LRBA: variants seen among roughly 807,000 people sequenced by gnomAD.
The protein encoded by LRBA is lipopolysaccharide-responsive and beige-like anchor protein.
In LRBA, 176 loss-of-function variants were observed where a neutral mutation model predicts 330.0. That is an observed-to-expected ratio of 0.53 (90% confidence interval 0.47 to 0.60). The LOEUF (loss-of-function observed/expected upper bound fraction) is 0.60, where lower values mean the gene tolerates loss of function less well. Among genes scored for constraint, LRBA ranks in the 20% least tolerant of loss-of-function variants. LRBA has a pLI of 0.00. For missense variants in LRBA, 3,259 were observed against 3,444.8 expected (o/e 0.95, Z 1.35); for synonymous variants, 1,230 against 1,193.0 (o/e 1.03, Z -0.64).
chr4:150,396,415 T>C (rs1744737295), intron 47 of LRBA, among the ~76,000 whole-genome samples: 1 of 151,820 alleles, frequency 6.6e-6, no homozygotes, highest in Non-Finnish European at 1.5e-5. Context: ...AGCTTGAATA[T>C]GGCATACTGT....
chr4:150,562,335 C>T (rs1056540298), intron 40 of LRBA, among the ~76,000 whole-genome samples: 2 of 152,190 alleles, frequency 1.3e-5, no homozygotes, highest in Admixed American at 6.6e-5. Flanking sequence ...GAAGGATATA[C>T]ATACATACAT....
rs869205771 is a variant in LRBA, at chr4:150,516,217, C to CTTTTTTTTT, written c.6331-25191_6331-25183dup. On this transcript the variant is annotated intron_variant, in intron 40 of 56. Coordinates refer to ENST00000651943, the MANE Select transcript of LRBA (RefSeq NM_001364905.1). ...AATTCAGTCTGACATTTTCTATTCTCTTTTTTTTTTTTTTTTTTTTTTTTT... is the reference window on the plus strand; with the variant it reads ...AATTCAGTCTGACATTTTCTATTCTCTTTTTTTTTTTTTTTTTTTTTTTTTTTTTTTTTT... Among the ~76,000 whole-genome samples, 50 of 29,440 alleles carry CTTTTTTTTT rather than the reference C, an allele frequency of 1.7e-3. 1 individual carries two copies. Among genetic ancestry groups the CTTTTTTTTT allele is most frequent in the East Asian group, 4.3e-3 (5 of 1,154 alleles). The allele number at this position is 29,440 out of a possible 152,430, so 19.3% of individuals were successfully genotyped here. A position where few individuals can be genotyped will look rare whatever the true frequency, so the allele number is the denominator to read the frequency against.
At chr4:150,582,830 T>G in intron 40 of LRBA, 1 of 514,024 alleles carries the variant, frequency 1.9e-6, no homozygotes, top group Non-Finnish European at 3.3e-6. Flanking sequence ...AGAAAAGAGG[T>G]TTCGAAAGAG....
intron 46 of LRBA, among the ~76,000 whole-genome samples, chr4:150,432,691 C>T (rs1007377107): frequency 1.3e-5 from 2 of 151,350 alleles, no homozygotes; most frequent in Non-Finnish European, 2.9e-5. Flanking sequence ...GTGATCCGCC[C>T]GCCTCGGCTT....
intron 37 of LRBA, among the ~76,000 whole-genome samples, chr4:150,608,340 T>C (rs1054609488): frequency 2.6e-5 from 4 of 152,038 alleles, no homozygotes; most frequent in Non-Finnish European, 1.5e-5. Flanking sequence ...GAAGAGTCTA[T>C]TGAAAGGGCA....
chr4:150,990,217 T>A (rs1421428258), intron 2 of LRBA, among the ~76,000 whole-genome samples: 1 of 152,208 alleles, frequency 6.6e-6, no homozygotes, highest in Non-Finnish European at 1.5e-5. Flanking sequence ...CATATATATG[T>A]AAATTCACAT....
chr4:150,306,094 C>T (rs541977526), intron 52 of LRBA, among the ~76,000 whole-genome samples: 1 of 152,112 alleles, frequency 6.6e-6, no homozygotes, highest in Non-Finnish European at 1.5e-5. Flanking sequence ...TAAAAAAATT[C>T]AAGCTCAGGA....
chr4:150,929,181 G>T, intron 2 of LRBA, 116 bp from the exon 3 acceptor site: 1 of 621,544 alleles, frequency 1.6e-6, no homozygotes, highest in Non-Finnish European at 2.6e-6. Context: ...CACATCAAAA[G>T]GTTCATTAAA....
rs1452376885 is a variant in LRBA, at chr4:150,420,321, GCACATTATAGTATAAAGTATATATAATA to G, written c.7042-4759_7042-4732del. ...CATTATAGTATAAAGTATATATAATGCACATTATAGTATAAAGTATATATAATACACATTATAGTATAAAGTATATATA... is the reference window on the plus strand; with the variant it reads ...CATTATAGTATAAAGTATATATAATGCACATTATAGTATAAAGTATATATA... On this transcript the variant is annotated intron_variant, in intron 46 of 56. Transcript: ENST00000651943. Among the ~76,000 whole-genome samples, 140 of 122,700 alleles carry G rather than the reference GCACATTATAGTATAAAGTATATATAATA, an allele frequency of 1.1e-3. 1 individual carries two copies. The highest frequency in any genetic ancestry group is 4.0e-3 in the African/African-American group (109 of 27,076). 80.5% of individuals were successfully genotyped at this position (122,700 alleles called of 152,430 possible).
chr4:150,399,983 A>ATCAT (rs1414034170), intron 47 of LRBA, among the ~76,000 whole-genome samples: 1 of 151,582 alleles, frequency 6.6e-6, no homozygotes, highest in African/African-American at 2.4e-5. Context: ...CAATCAAACA[A>ATCAT]TCAATCAATC....
intron 17 of LRBA, among the ~76,000 whole-genome samples, chr4:150,877,726 C>T (rs1285156164): frequency 1.3e-5 from 2 of 152,188 alleles, no homozygotes; most frequent in African/African-American, 2.4e-5. Context: ...CCACAGGATA[C>T]ACATTCTTCT....
chr4:150,828,686 A>G, intron 29 of LRBA, 65 bp from the exon 30 acceptor site: 1 of 1,397,006 alleles, frequency 7.2e-7, no homozygotes, highest in Non-Finnish European at 9.8e-7. Flanking sequence ...TTTAAAAGGT[A>G]TATTCTGTTT....
intron 28 of LRBA, among the ~76,000 whole-genome samples, chr4:150,836,478 A>C (rs1313780936): frequency 6.6e-6 from 1 of 152,070 alleles, no homozygotes; most frequent in Non-Finnish European, 1.5e-5. Flanking sequence ...TCAATTTCAG[A>C]GCCTGCTATT....
chr4:150,900,091 C>A lies in LRBA; in HGVS notation c.1882G>T (p.Val628Leu). 1 of 1,613,540 alleles carries A rather than the reference C, an allele frequency of 6.2e-7. No homozygotes were observed. Among genetic ancestry groups the A allele is most frequent in the Non-Finnish European group, 8.5e-7 (1 of 1,179,604 alleles). ...MHTLKYYYWA[V>L]NPQDRSGITP... is the part of the protein sequence containing the mutation. ...ATACCACTTCGATCCTGAGGATTCA[C>A]TGCCCAGTAGTAGTACTTCAGCGTG... The change falls in exon 14 of 57, where the codon GTG becomes TTG. Residue 628 changes from valine (V) to leucine (L), a missense_variant. Val to Leu is a conservative substitution (Grantham distance 32). Transcript: ENST00000651943.
Position 150,735,281 on chromosome 4 carries a change from T to C in LRBA, c.5731A>G (p.Ile1911Val), listed in dbSNP as rs1560747601. ...FILSRQRAED[I>V]HRHAEFESLC... Reference sequence around the variant, plus strand: ...ACCTCAAATTCCGCATGTCTGTGAATATCTTCTGCTCTCTGCCTGCTCAGG... The same window carrying C: ...ACCTCAAATTCCGCATGTCTGTGAACATCTTCTGCTCTCTGCCTGCTCAGG... The change falls in exon 36 of 57, where the codon ATT becomes GTT. Residue 1911 changes from isoleucine to valine, a missense_variant. Coordinates refer to ENST00000651943, the MANE Select transcript of LRBA (RefSeq NM_001364905.1). 6.2e-7 allele frequency: 1 copy of C among 1,613,542 alleles called. No homozygotes were observed. The highest frequency in any genetic ancestry group is 8.5e-7 in the Non-Finnish European group (1 of 1,179,528).
At chr4:150,922,463 T>A (rs1428199610) in intron 4 of LRBA, among the ~76,000 whole-genome samples, 5 of 150,996 alleles carry the variant, frequency 3.3e-5, no homozygotes, top group Non-Finnish European at 5.9e-5. Context: ...TATCAGCATT[T>A]GCAGTGACCT....
intron 47 of LRBA, among the ~76,000 whole-genome samples, chr4:150,380,913 C>T (rs1198663562): frequency 8.2e-6 from 1 of 122,096 alleles, no homozygotes; most frequent in Non-Finnish European, 1.6e-5. Flanking sequence ...ACTGGGGAGG[C>T]GGGGGTTGCA....
chr4:150,366,057 T>C (rs894315143), intron 47 of LRBA, among the ~76,000 whole-genome samples: 8 of 152,192 alleles, frequency 5.3e-5, no homozygotes, highest in South Asian at 2.1e-4. Flanking sequence ...AAAAAATGTA[T>C]AGCACAAACA....
chr4:150,690,207 T>C (rs912541644), intron 36 of LRBA, among the ~76,000 whole-genome samples: 1 of 152,006 alleles, frequency 6.6e-6, no homozygotes, highest in African/African-American at 2.4e-5. Flanking sequence ...AAAACACATA[T>C]AAAAACAGAA....
Sources: gnomAD v4.1 joint callset for allele counts (sites outside exome capture counted in the v4.1 genomes callset) on GRCh38, gnomAD v4.1.1 for gene constraint, MANE v1.5 for transcripts, NCBI Gene and HGNC (gene_info 2026-07-23, HGNC 2026-07-21) for gene names.